Variants in LSAMP observed in about 807,000 individuals in gnomAD.
LSAMP encodes the protein limbic system-associated membrane protein.
Under a neutral mutation model 38.6 loss-of-function variants are expected in LSAMP, and 7 were observed. The observed-to-expected ratio is 0.18, with a 90% CI of 0.10 to 0.34. LSAMP has a LOEUF of 0.34. LSAMP is among the 10% of genes least tolerant of loss of function. The probability of loss-of-function intolerance (pLI) is 1.00; values close to 1 mark genes in which losing one functional copy is unlikely to be tolerated. For missense variants in LSAMP, 313 were observed against 420.0 expected (o/e 0.75, Z 2.23); for synonymous variants, 154 against 166.8 (o/e 0.92, Z 0.59).
At chr3:116,314,007 A>T (rs543010714) in intron 1 of LSAMP, among the ~76,000 whole-genome samples, 1 of 152,344 alleles carries the variant, frequency 6.6e-6, no homozygotes, top group South Asian at 2.1e-4. Context: ...GCACTTTCCC[A>T]CAGCTGTATA....
At chr3:115,932,226 A>G (rs1364093881) in intron 3 of LSAMP, among the ~76,000 whole-genome samples, 1 of 152,204 alleles carries the variant, frequency 6.6e-6, no homozygotes, top group Admixed American at 6.6e-5. Flanking sequence ...CCCATATTAT[A>G]GATACTGAAC....
At chr3:116,250,687 C>T (rs1559799575) in intron 1 of LSAMP, among the ~76,000 whole-genome samples, 1 of 116,558 alleles carries the variant, frequency 8.6e-6, no homozygotes, top group African/African-American at 3.3e-5. Flanking sequence ...GATGGCAAAA[C>T]CTTGTATCTA....
At chr3:116,252,241 A>G (rs941386612) in intron 1 of LSAMP, among the ~76,000 whole-genome samples, 3 of 152,208 alleles carry the variant, frequency 2.0e-5, no homozygotes, top group Non-Finnish European at 4.4e-5. Context: ...CATTGATGGT[A>G]CCCACTTAAG....
At chr3:116,297,507 T>C (rs187278823) in intron 1 of LSAMP, among the ~76,000 whole-genome samples, 1 of 152,272 alleles carries the variant, frequency 6.6e-6, no homozygotes, top group East Asian at 1.9e-4. Flanking sequence ...ACATTTTTTC[T>C]TGTACAGGTG....
chr3:116,259,948 C>T (rs1188161468), intron 1 of LSAMP, among the ~76,000 whole-genome samples: 1 of 152,136 alleles, frequency 6.6e-6, no homozygotes, highest in East Asian at 1.9e-4. Flanking sequence ...CTTCTTCTAT[C>T]CTCACGCTAT....
chr3:115,935,567 C>G (rs1446413596), intron 3 of LSAMP, among the ~76,000 whole-genome samples: 2 of 152,136 alleles, frequency 1.3e-5, no homozygotes, highest in Non-Finnish European at 2.9e-5. Flanking sequence ...CTCTATTCTC[C>G]TGGGAAATGA....
chr3:116,432,930 GT>G (rs1332733380), intron 1 of LSAMP, among the ~76,000 whole-genome samples: 1 of 152,180 alleles, frequency 6.6e-6, no homozygotes, highest in Non-Finnish European at 1.5e-5. Context: ...CTCCTGCTAA[GT>G]TAATGATTCA....
At chr3:116,414,933 A>C (rs552862478) in intron 1 of LSAMP, among the ~76,000 whole-genome samples, 1 of 152,162 alleles carries the variant, frequency 6.6e-6, no homozygotes, top group East Asian at 1.9e-4. Context: ...GCAAGCAATA[A>C]AAAAGTGGAG....
chr3:116,296,623 A>T (rs1029514628), intron 1 of LSAMP, among the ~76,000 whole-genome samples: 6 of 130,490 alleles, frequency 4.6e-5, no homozygotes, highest in Non-Finnish European at 9.3e-5. Context: ...TTAACCCGGG[A>T]GGCAGAGCTT....
intron 1 of LSAMP, among the ~76,000 whole-genome samples, chr3:116,267,930 G>C (rs1008400025): frequency 2.0e-5 from 3 of 152,096 alleles, no homozygotes; most frequent in African/African-American, 7.2e-5. Context: ...GGGAGGAATG[G>C]AGTGTAATGA....
At chr3:115,880,347 T>C (rs185881240) in intron 3 of LSAMP, among the ~76,000 whole-genome samples, 17 of 152,300 alleles carry the variant, frequency 1.1e-4, no homozygotes, top group African/African-American at 4.1e-4. Flanking sequence ...TTTTGCCTTA[T>C]AAAGAATATA....
chr3:115,928,254 G>A (rs376577668), intron 3 of LSAMP, among the ~76,000 whole-genome samples: 9 of 151,874 alleles, frequency 5.9e-5, no homozygotes, highest in East Asian at 1.9e-4. Flanking sequence ...CTTAGCTTTC[G>A]CCTTTACTTC....
intron 6 of LSAMP, among the ~76,000 whole-genome samples, chr3:115,831,752 TAAACC>T (rs1934619891): frequency 6.6e-6 from 1 of 152,180 alleles, no homozygotes. Flanking sequence ...TCAGAATAAA[TAAACC>T]TAAATTAAAA....
At chr3:116,123,587 C>A (rs996335589) in intron 1 of LSAMP, among the ~76,000 whole-genome samples, 1 of 152,202 alleles carries the variant, frequency 6.6e-6, no homozygotes, top group Non-Finnish European at 1.5e-5. Context: ...CTTTCCTTTA[C>A]ATCTTTCATT....
At chr3:116,324,691 G>C (rs560350312) in intron 1 of LSAMP, among the ~76,000 whole-genome samples, 94 of 152,142 alleles carry the variant, frequency 6.2e-4, no homozygotes, top group Non-Finnish European at 1.2e-3. Context: ...CATAGCCTCT[G>C]TGTGAATAGC....
intron 1 of LSAMP, among the ~76,000 whole-genome samples, chr3:116,328,682 A>G (rs1362452088): frequency 6.6e-6 from 1 of 152,148 alleles, no homozygotes; most frequent in East Asian, 1.9e-4. Context: ...TGCCTTGTCA[A>G]CAAAGAAGGC....
At chr3:116,396,287 T>G (rs1231118438) in intron 1 of LSAMP, among the ~76,000 whole-genome samples, 1 of 152,218 alleles carries the variant, frequency 6.6e-6, no homozygotes, top group Admixed American at 6.5e-5. Context: ...ACATACAGTT[T>G]TAGATGGGAG....
chr3:115,881,774 G>T (rs1936329762), intron 3 of LSAMP, among the ~76,000 whole-genome samples: 1 of 152,102 alleles, frequency 6.6e-6, no homozygotes, highest in African/African-American at 2.4e-5. Flanking sequence ...GTCAGATTGG[G>T]TCATACCCAT....
At chr3:116,169,360 C>G (rs1710139710) in intron 1 of LSAMP, among the ~76,000 whole-genome samples, 1 of 152,122 alleles carries the variant, frequency 6.6e-6, no homozygotes. Flanking sequence ...TGCTTGAGGA[C>G]CTGTTTCTGT....
Sources: allele counts gnomAD v4.1 joint callset (sites outside exome capture counted in the v4.1 genomes callset), GRCh38; gene constraint gnomAD v4.1.1; transcripts MANE v1.5; gene names NCBI Gene and HGNC (gene_info 2026-07-23, HGNC 2026-07-21).